Variants in MAST4 observed in about 807,000 individuals in gnomAD.
MAST4 encodes microtubule-associated serine/threonine-protein kinase 4.
MAST4 carries 89 observed loss-of-function variants against 162.7 expected under a neutral mutation model. The ratio of observed to expected loss-of-function variants is 0.55; its 90% confidence interval spans 0.46 to 0.65. The LOEUF (loss-of-function observed/expected upper bound fraction) is 0.65. Among genes scored for constraint, MAST4 ranks in the 30% least tolerant of loss-of-function variants. The pLI, the probability that MAST4 is intolerant of heterozygous loss-of-function variation, is 0.00. For synonymous variants in MAST4, 1,479 were observed against 1,361.1 expected, an observed-to-expected ratio of 1.09 and a Z score of -1.91; for missense variants, 3,153 against 3,374.0, an observed-to-expected ratio of 0.93 and a Z score of 1.62.
intron 3 of MAST4, among the ~76,000 whole-genome samples, chr5:66,791,955 C>T (rs1755431285): frequency 6.6e-6 from 1 of 152,174 alleles, no homozygotes; most frequent in Admixed American, 6.5e-5. Context: ...CTTATTTTGA[C>T]GTGTCACTCA....
intron 4 of MAST4, among the ~76,000 whole-genome samples, chr5:66,986,830 T>C (rs1006917967): frequency 2.6e-5 from 4 of 151,968 alleles, no homozygotes; most frequent in Admixed American, 2.6e-4. Context: ...CAGACTGGTC[T>C]TGACCTCCTG....
chr5:67,023,929 A>T (rs558832199), intron 4 of MAST4, among the ~76,000 whole-genome samples: 38 of 152,036 alleles, frequency 2.5e-4, no homozygotes, highest in African/African-American at 8.2e-4. Flanking sequence ...TTGTGTACAC[A>T]TACAATTTAC....
chr5:67,114,235 G>T lies in MAST4; in HGVS notation c.1591+16G>T. The T allele has an allele frequency of 6.2e-7, 1 of 1,602,232 alleles. No homozygotes were observed. The highest frequency in any genetic ancestry group is 1.4e-5 in the African/African-American group (1 of 74,042). On this transcript the variant is annotated intron_variant, in intron 12 of 28. Transcript: ENST00000403625. ...CCCTTGGAAGGTGAGTCCCTGGGTT[G>T]TTCCTACCTTTGACTTTGCTTATGC...
intron 1 of MAST4, among the ~76,000 whole-genome samples, chr5:66,746,052 C>A (rs1309544558): frequency 2.0e-5 from 3 of 152,156 alleles, no homozygotes; most frequent in Admixed American, 2.0e-4. Context: ...TAAATCTGGG[C>A]AGTTCATTTG....
At chr5:67,064,569 A>G (rs1369224419) in intron 5 of MAST4, among the ~76,000 whole-genome samples, 1 of 152,204 alleles carries the variant, frequency 6.6e-6, no homozygotes, top group Admixed American at 6.5e-5. Flanking sequence ...TTATTTTGAA[A>G]GTAGTTTTAG....
chr5:66,626,696 T>G (rs866729186), intron 1 of MAST4, among the ~76,000 whole-genome samples: 119 of 152,344 alleles, frequency 7.8e-4, no homozygotes, highest in African/African-American at 2.6e-3. Flanking sequence ...TTTATCTCAT[T>G]AGAGAGTTAT....
intron 2 of MAST4, among the ~76,000 whole-genome samples, chr5:66,779,196 C>T (rs554472159): frequency 6.6e-6 from 1 of 152,202 alleles, no homozygotes; most frequent in Non-Finnish European, 1.5e-5. Context: ...TTCAGTCTTA[C>T]AGTCTTAAGA....
chr5:66,782,514 A>C (rs77581440), intron 2 of MAST4, among the ~76,000 whole-genome samples: 1 of 152,200 alleles, frequency 6.6e-6, no homozygotes, highest in Admixed American at 6.5e-5. Flanking sequence ...CCACACCTCT[A>C]TGGTTGAGAC....
In MAST4 at chr5:67,164,550, G is replaced by T; in HGVS notation, c.5371G>T (p.Glu1791Ter). ...GAAGAGCCCCTCCGAGTATAAGCTG[G>T]AAGGTAGGTCTGTCTCATGCCTGAA... ...VRKSPSEYKL[E>*]GRSVSCLKPI... The change falls in exon 29 of 29, where the codon GAA becomes TAA. Residue 1791 changes from glutamate (E) to a stop codon, truncating the protein, a stop_gained. Coordinates refer to ENST00000403625, the MANE Select transcript of MAST4 (RefSeq NM_001164664.2). LOFTEE classifies it low-confidence loss of function (END_TRUNC). The surrounding 1 kb of genome is among the most constrained non-coding windows in gnomAD (Gnocchi z 5.3). 1.9e-6 allele frequency: 3 copies of T among 1,613,992 alleles called. No individual in the cohort carries two copies. Among genetic ancestry groups the T allele is most frequent in the Non-Finnish European group, 2.5e-6 (3 of 1,179,890 alleles).
At chr5:66,997,759 T>A (rs1395988971) in intron 4 of MAST4, among the ~76,000 whole-genome samples, 1 of 152,248 alleles carries the variant, frequency 6.6e-6, no homozygotes, top group Non-Finnish European at 1.5e-5. Context: ...TTATGATAAC[T>A]AGTAAGAGTT....
intron 3 of MAST4, among the ~76,000 whole-genome samples, chr5:66,832,872 C>T (rs1448436760): frequency 6.6e-6 from 1 of 152,166 alleles, no homozygotes; most frequent in Non-Finnish European, 1.5e-5. Context: ...GACATTGAGA[C>T]TTCTTTGGGA....
chr5:66,838,297 C>G (rs935841065), intron 3 of MAST4, among the ~76,000 whole-genome samples: 1 of 152,094 alleles, frequency 6.6e-6, no homozygotes, highest in South Asian at 2.1e-4. Flanking sequence ...TTTGAGCTCT[C>G]AAAACATTGG....
chr5:66,759,187 A>G (rs1459800810), intron 1 of MAST4, among the ~76,000 whole-genome samples: 2 of 152,208 alleles, frequency 1.3e-5, no homozygotes, highest in Non-Finnish European at 2.9e-5. Flanking sequence ...TGTACAACAT[A>G]TATTTGTGAG....
At chr5:67,139,219 A>G (rs1373100492) in intron 19 of MAST4, among the ~76,000 whole-genome samples, 1 of 152,234 alleles carries the variant, frequency 6.6e-6, no homozygotes, top group Non-Finnish European at 1.5e-5. Context: ...GCTGCTTCCA[A>G]TGACAGCGTT....
At chr5:66,747,725 C>T (rs772281806) in intron 1 of MAST4, among the ~76,000 whole-genome samples, 1 of 151,980 alleles carries the variant, frequency 6.6e-6, no homozygotes, top group Non-Finnish European at 1.5e-5. Flanking sequence ...GAGTGTAGGG[C>T]GGGGGTTCTC....
chr5:66,682,924 A>G (rs1748422280), intron 1 of MAST4, among the ~76,000 whole-genome samples: 1 of 152,044 alleles, frequency 6.6e-6, no homozygotes, highest in Non-Finnish European at 1.5e-5. Flanking sequence ...TTTTTGTTGT[A>G]TTGTAGATTG....
intron 4 of MAST4, among the ~76,000 whole-genome samples, chr5:67,024,311 A>G (rs1428509417): frequency 3.6e-5 from 5 of 139,610 alleles, no homozygotes; most frequent in Non-Finnish European, 7.5e-5. Context: ...AACAAGGAAG[A>G]TATATATATA....
At chr5:66,940,662 T>C (rs903893490) in intron 4 of MAST4, among the ~76,000 whole-genome samples, 1 of 151,806 alleles carries the variant, frequency 6.6e-6, no homozygotes, top group Non-Finnish European at 1.5e-5. Flanking sequence ...ATATCTGCAG[T>C]TCCTTTTTTC....
intron 5 of MAST4, among the ~76,000 whole-genome samples, chr5:67,069,657 C>T (rs895754596): frequency 1.3e-5 from 2 of 152,062 alleles, no homozygotes; most frequent in Non-Finnish European, 2.9e-5. Flanking sequence ...AACAGGTTGT[C>T]CTGTGGACCG....
Sources: gnomAD v4.1 joint callset for allele counts (sites outside exome capture counted in the v4.1 genomes callset) on GRCh38, gnomAD v4.1.1 for gene constraint, Gnocchi (gnomAD v3.1) non-coding constraint, MANE v1.5 for transcripts, NCBI Gene and HGNC (gene_info 2026-07-23, HGNC 2026-07-21) for gene names.